KCNIP4: variants seen among roughly 807,000 people sequenced by gnomAD.
The protein encoded by KCNIP4 is Kv channel-interacting protein 4.
A neutral mutation model predicts 34.0 loss-of-function variants in KCNIP4; 12 were observed. The observed-to-expected ratio is 0.35, with a 90% confidence interval of 0.23 to 0.57. KCNIP4 has a LOEUF of 0.57. Among genes scored for constraint, KCNIP4 ranks in the 20% least tolerant of loss-of-function variants. The pLI, the probability that KCNIP4 is intolerant of heterozygous loss-of-function variation, is 0.83. For missense variants in KCNIP4, 238 were observed against 311.7 expected, an observed-to-expected ratio of 0.76 and a Z score of 1.78; for synonymous variants, 124 against 102.2, an observed-to-expected ratio of 1.21 and a Z score of -1.29.
intron 1 of KCNIP4, among the ~76,000 whole-genome samples, chr4:21,587,250 C>A (rs1180179084): frequency 6.6e-6 from 1 of 152,016 alleles, no homozygotes; most frequent in South Asian, 2.1e-4. Flanking sequence ...TGCCACACAG[C>A]CACTCTAGCT....
At chr4:21,874,090 G>A (rs1290053003) in intron 1 of KCNIP4, among the ~76,000 whole-genome samples, 1 of 152,230 alleles carries the variant, frequency 6.6e-6, no homozygotes, top group Non-Finnish European at 1.5e-5. Flanking sequence ...GCAACAAGGA[G>A]TAGCACTGTT....
At chr4:21,002,081 CTCT>C (rs1215079498) in intron 1 of KCNIP4, among the ~76,000 whole-genome samples, 5 of 152,178 alleles carry the variant, frequency 3.3e-5, no homozygotes, top group Admixed American at 3.3e-4. Context: ...GTCTGTTTCC[CTCT>C]TCTTAGAGGA....
intron 1 of KCNIP4, among the ~76,000 whole-genome samples, chr4:21,110,867 G>A (rs184256850): frequency 3.9e-4 from 60 of 152,210 alleles, no homozygotes; most frequent in Admixed American, 1.9e-3. Context: ...GACCAGAACC[G>A]TGAGAAATAC....
At chr4:21,631,299 A>G (rs1745750061) in intron 1 of KCNIP4, among the ~76,000 whole-genome samples, 1 of 152,200 alleles carries the variant, frequency 6.6e-6, no homozygotes, top group Non-Finnish European at 1.5e-5. Context: ...TAGTAATATA[A>G]GCCATGCTTT....
chr4:21,414,901 A>G (rs1490914595), intron 1 of KCNIP4, among the ~76,000 whole-genome samples: 2 of 152,170 alleles, frequency 1.3e-5, no homozygotes, highest in Non-Finnish European at 2.9e-5. Context: ...TAATTACACC[A>G]GGGTAAATGG....
chr4:21,398,426 T>C (rs1723192094), intron 1 of KCNIP4, among the ~76,000 whole-genome samples: 2 of 152,232 alleles, frequency 1.3e-5, no homozygotes, highest in African/African-American at 4.8e-5. Context: ...TTTAATGGTA[T>C]GGTATGGTTG....
intron 1 of KCNIP4, among the ~76,000 whole-genome samples, chr4:20,884,981 G>A (rs998614771): frequency 1.2e-4 from 18 of 152,064 alleles, no homozygotes; most frequent in East Asian, 3.9e-4. Context: ...GATTACAGAC[G>A]TGAGCTACTG....
At position 21,892,522 on chromosome 4, in the gene KCNIP4, T is replaced by TA. The variant is rs1164919066; in HGVS notation, c.61+56048dup. Reference sequence around the variant, plus strand: ...ATTTTCTGTATGTATATTATGACTTTAAAAAAAAAAAAGCAAAAGCAAAAA... The same window carrying TA: ...ATTTTCTGTATGTATATTATGACTTTAAAAAAAAAAAAAGCAAAAGCAAAAA... On this transcript the variant is annotated intron_variant, in intron 1 of 8. Transcript: ENST00000382152. Among the ~76,000 whole-genome samples, 403 of 92,132 alleles carry TA rather than the reference T, an allele frequency of 4.4e-3. 4 individuals carry two copies. The highest frequency in any genetic ancestry group is 0.015 in the Middle Eastern group (2 of 132). 60.4% of individuals were successfully genotyped at this position (92,132 alleles called of 152,430 possible).
rs575304935 is a variant in KCNIP4, at chr4:21,442,947, G to C, written c.61+505624C>G. On this transcript the variant is annotated intron_variant, in intron 1 of 8. Transcript: ENST00000382152. Reference sequence around the variant, plus strand: ...GGATTCATCTGTATCACTTCCATTTGATCTTTTCAATCTCAGTTAATGGCA... The same window carrying C: ...GGATTCATCTGTATCACTTCCATTTCATCTTTTCAATCTCAGTTAATGGCA... 2.0e-3 allele frequency among the ~76,000 whole-genome samples: 297 copies of C among 152,184 alleles called. 1 individual carries two copies. Among genetic ancestry groups the C allele is most frequent in the Non-Finnish European group, 3.7e-3 (255 of 68,004 alleles).
chr4:21,416,464 T>C (rs1171510293), intron 1 of KCNIP4, among the ~76,000 whole-genome samples: 2 of 152,122 alleles, frequency 1.3e-5, no homozygotes, highest in Non-Finnish European at 2.9e-5. Flanking sequence ...CCCAGATTGG[T>C]CCAGATTAAA....
At chr4:21,306,162 C>T (rs1348021009) in intron 1 of KCNIP4, among the ~76,000 whole-genome samples, 1 of 152,174 alleles carries the variant, frequency 6.6e-6, no homozygotes, top group Non-Finnish European at 1.5e-5. Flanking sequence ...GTAACACTAG[C>T]CTCAGAGAAC....
At chr4:21,915,225 CT>C (rs1208287657) in intron 1 of KCNIP4, among the ~76,000 whole-genome samples, 3 of 152,144 alleles carry the variant, frequency 2.0e-5, no homozygotes, top group African/African-American at 7.2e-5. Flanking sequence ...TAAAATTTTA[CT>C]CACAAAATTG....
At chr4:21,748,769 C>T (rs1357913833) in intron 1 of KCNIP4, among the ~76,000 whole-genome samples, 1 of 151,902 alleles carries the variant, frequency 6.6e-6, no homozygotes, top group Non-Finnish European at 1.5e-5. Context: ...AATAGATAGC[C>T]CGGATCATGG....
intron 1 of KCNIP4, among the ~76,000 whole-genome samples, chr4:21,472,766 T>G (rs1730579691): frequency 6.6e-6 from 1 of 152,222 alleles, no homozygotes; most frequent in African/African-American, 2.4e-5. Flanking sequence ...GGTTTTTCTC[T>G]AATTAAATGT....
chr4:21,114,289 G>A (rs937841427), intron 1 of KCNIP4, among the ~76,000 whole-genome samples: 1 of 152,020 alleles, frequency 6.6e-6, no homozygotes, highest in Non-Finnish European at 1.5e-5. Context: ...TTTTTAGAAT[G>A]CAAGAAAAAA....
intron 1 of KCNIP4, among the ~76,000 whole-genome samples, chr4:20,896,596 C>A (rs1308489446): frequency 2.0e-5 from 3 of 152,018 alleles, no homozygotes; most frequent in African/African-American, 7.2e-5. Flanking sequence ...CCCGTAATGA[C>A]CAGGAGCCAG....
chr4:21,485,924 T>C (rs1182606558), intron 1 of KCNIP4, among the ~76,000 whole-genome samples: 2 of 152,096 alleles, frequency 1.3e-5, no homozygotes, highest in African/African-American at 2.4e-5. Context: ...CCATCTTTAA[T>C]CACTAGTTTT....
chr4:21,541,247 A>G (rs928442982), intron 1 of KCNIP4, among the ~76,000 whole-genome samples: 1 of 151,828 alleles, frequency 6.6e-6, no homozygotes, highest in African/African-American at 2.4e-5. Context: ...GACATCTCTC[A>G]TCCACTTGGC....
chr4:21,000,311 A>G lies in KCNIP4; in HGVS notation c.62-117602T>C, dbSNP rs145761558. On this transcript the variant is annotated intron_variant, in intron 1 of 8. Coordinates refer to ENST00000382152, the MANE Select transcript of KCNIP4 (RefSeq NM_025221.6). ...TCTCCCCATATTCTATTCTACAGAAAAAAAAGATAGAGTAATATTTTAAAG... is the reference window on the plus strand; with the variant it reads ...TCTCCCCATATTCTATTCTACAGAAGAAAAAGATAGAGTAATATTTTAAAG... Among the ~76,000 whole-genome samples the G allele has an allele frequency of 1.1e-4, 16 of 152,280 alleles. No individual in the cohort carries two copies. In the East Asian group the frequency reaches 3.1e-3, roughly 29 times the overall value.
Sources: gnomAD v4.1 joint callset for allele counts (sites outside exome capture counted in the v4.1 genomes callset) on GRCh38, gnomAD v4.1.1 for gene constraint, MANE v1.5 for transcripts, NCBI Gene and HGNC (gene_info 2026-07-23, HGNC 2026-07-21) for gene names.